TTC39A: variants seen among roughly 807,000 people sequenced by gnomAD.
TTC39A encodes tetratricopeptide repeat protein 39A.
In TTC39A, 46 loss-of-function variants were observed where a neutral mutation model predicts 82.3. The observed-to-expected ratio is 0.56, with a 90% confidence interval of 0.44 to 0.71. The LOEUF (loss-of-function observed/expected upper bound fraction) is 0.71. TTC39A is among the 30% of genes least tolerant of loss of function. The pLI is 0.00. For synonymous variants in TTC39A, 254 were observed against 275.2 expected, an observed-to-expected ratio of 0.92 and a Z score of 0.76; for missense variants, 543 against 712.9, an observed-to-expected ratio of 0.76 and a Z score of 2.71.
chr1:51,330,328 G>C lies in TTC39A; in HGVS notation c.41+109C>G. 2 of 916,756 alleles carry C rather than the reference G, an allele frequency of 2.2e-6. No homozygotes were observed. The highest frequency in any genetic ancestry group is 2.6e-6 in the Non-Finnish European group (2 of 768,622). The allele number at this position is 916,756 out of a possible 1,614,324, so 56.8% of individuals were successfully genotyped here. A position where few individuals can be genotyped will look rare whatever the true frequency, so the allele number is the denominator to read the frequency against. Reference sequence around the variant, plus strand: ...GGCGGGGTGGGGGCTGGAAGCCGCAGTGCGGCCCCAGGCCGGTGCGCGGGG... The same window carrying C: ...GGCGGGGTGGGGGCTGGAAGCCGCACTGCGGCCCCAGGCCGGTGCGCGGGG... On this transcript the variant is annotated intron_variant, in intron 1 of 17. Transcript: ENST00000680483. This position sits in a 1 kb window ranked among gnomAD's most constrained non-coding sequence, Gnocchi z 4.5.
At chr1:51,336,750 C>T (rs1158054172) in intron 1 of TTC39A, among the ~76,000 whole-genome samples, 1 of 152,118 alleles carries the variant, frequency 6.6e-6, no homozygotes, top group African/African-American at 2.4e-5. Flanking sequence ...CACCTGACAC[C>T]CTGGGCCAGT....
At chr1:51,303,246 G>A (rs1198724966) in intron 8 of TTC39A, 54 bp from the exon 9 acceptor site, 2 of 1,466,410 alleles carry the variant, frequency 1.4e-6, no homozygotes, top group South Asian at 1.3e-5. Flanking sequence ...GGCCTGGGAG[G>A]CAGCTGGACA....
At chr1:51,289,867 TG>T in intron 16 of TTC39A, 137 bp downstream of exon 16, 1 of 658,398 alleles carries the variant, frequency 1.5e-6, no homozygotes, top group Non-Finnish European at 2.6e-6. Flanking sequence ...TGGCACAGAG[TG>T]GACACTGGTT....
chr1:51,343,760 G>A (rs1276231096), intron 1 of TTC39A, among the ~76,000 whole-genome samples: 3 of 152,130 alleles, frequency 2.0e-5, no homozygotes, highest in Non-Finnish European at 4.4e-5. Flanking sequence ...GGAGAGCCAT[G>A]GAAGGGTTTT....
chr1:51,293,293 C>T (rs1173402493), intron 14 of TTC39A, among the ~76,000 whole-genome samples: 2 of 152,190 alleles, frequency 1.3e-5, no homozygotes, highest in Non-Finnish European at 2.9e-5. Context: ...TCTCTAACTC[C>T]TGACCTCAGG....
intron 12 of TTC39A, chr1:51,300,876 G>A (rs1037964348): frequency 2.0e-5 from 3 of 152,250 alleles, no homozygotes; most frequent in African/African-American, 7.2e-5. Flanking sequence ...AGACCAGTGA[G>A]GCTCAAACTG....
intron 12 of TTC39A, 130 bp from the exon 13 acceptor site, chr1:51,296,300 T>C (rs2148137355): frequency 1.1e-6 from 1 of 876,390 alleles, no homozygotes; most frequent in East Asian, 2.7e-5. Context: ...AGGGGAGAAA[T>C]GAAGGTAAGA....
chr1:51,335,654 T>A (rs945338452), upstream of TTC39A, among the ~76,000 whole-genome samples: 2 of 151,178 alleles, frequency 1.3e-5, no homozygotes, highest in African/African-American at 4.9e-5. Flanking sequence ...TTACCTCCCA[T>A]CCTACAGATG....
chr1:51,332,538 G>A (rs138834025), upstream of TTC39A, among the ~76,000 whole-genome samples: 444 of 152,340 alleles, frequency 2.9e-3, no homozygotes, highest in Non-Finnish European at 4.5e-3. Context: ...GATTACAGGC[G>A]TAAGCCACCG....
intron 11 of TTC39A, chr1:51,302,094 TC>T (rs1267398425): frequency 1.4e-6 from 1 of 721,286 alleles, no homozygotes; most frequent in Non-Finnish European, 2.6e-6. Context: ...AGCACCTCCC[TC>T]CACCTCCCTC....
chr1:51,339,794 A>G (rs1185090145), intron 1 of TTC39A, among the ~76,000 whole-genome samples: 1 of 152,224 alleles, frequency 6.6e-6, no homozygotes, highest in East Asian at 1.9e-4. Flanking sequence ...GAGATGTTAT[A>G]GCCTGGCCTC....
In TTC39A at chr1:51,309,287, T is replaced by C; in HGVS notation, c.462A>G (p.Lys154=). The change falls in exon 6 of 18, where the codon AAA becomes AAG. Residue 154 remains lysine (K), a synonymous_variant. Coordinates refer to ENST00000680483, the MANE Select transcript of TTC39A (RefSeq NM_001297663.2). ...TGTAGGTCTGGTAGCTGTTTCGAAC[T>C]TTGATGCCGCCTTTGATGAAGCTCA... ...NMVSFIKGGI[K]VRNSYQTYKE... 1 of 1,612,618 alleles carries C rather than the reference T, an allele frequency of 6.2e-7. No homozygotes were observed. The highest frequency in any genetic ancestry group is 8.5e-7 in the Non-Finnish European group (1 of 1,179,360).
In TTC39A at chr1:51,321,924, C is replaced by A. The variant is rs1645538037; in HGVS notation, c.42-99G>T. On this transcript the variant is annotated intron_variant, in intron 1 of 17. Coordinates refer to ENST00000680483, the MANE Select transcript of TTC39A (RefSeq NM_001297663.2). This position sits in a 1 kb window ranked among gnomAD's most constrained non-coding sequence, Gnocchi z 4.6. ...CACAGGGTCTACTCAGCCTCCCTGG[C>A]CAGCCTTGGGTGCCTGTCACGAGCT... 1.4e-6 allele frequency: 2 copies of A among 1,381,912 alleles called. No homozygotes were observed. The highest frequency in any genetic ancestry group is 2.5e-5 in the East Asian group (1 of 39,986). 85.6% of individuals were successfully genotyped at this position (1,381,912 alleles called of 1,614,324 possible).
rs1195797937 is a variant in TTC39A, at chr1:51,294,897, T to A, written c.1146-386A>T. ...GAGAGACCAACACTCGGAGAAAGGG[T>A]GGGACCTACCCAAGACCAAACAGCT... On this transcript the variant is annotated intron_variant, in intron 13 of 17. Transcript: ENST00000680483. This position sits in a 1 kb window ranked among gnomAD's most constrained non-coding sequence, Gnocchi z 4.3. Among the ~76,000 whole-genome samples, 1 of 152,180 alleles carries A rather than the reference T, an allele frequency of 6.6e-6. No individual in the cohort carries two copies. Among genetic ancestry groups the A allele is most frequent in the Non-Finnish European group, 1.5e-5 (1 of 68,032 alleles).
chr1:51,310,309 A>T (rs1645038357), intron 5 of TTC39A, among the ~76,000 whole-genome samples: 1 of 152,192 alleles, frequency 6.6e-6, no homozygotes, highest in East Asian at 1.9e-4. Flanking sequence ...CCTGTTGGGT[A>T]CATGGACAGG....
chr1:51,303,640 AC>A (rs1387566164), intron 8 of TTC39A, among the ~76,000 whole-genome samples: 3 of 150,926 alleles, frequency 2.0e-5, no homozygotes, highest in East Asian at 3.9e-4. Flanking sequence ...CTGGGGGCAG[AC>A]CCCCCACCTT....
chr1:51,343,887 C>A (rs1424862066), intron 1 of TTC39A, among the ~76,000 whole-genome samples: 1 of 152,222 alleles, frequency 6.6e-6, no homozygotes, highest in Non-Finnish European at 1.5e-5. Flanking sequence ...CAGGCATGAG[C>A]CACCACGCCT....
chr1:51,288,018 T>C lies in TTC39A; in HGVS notation c.*139A>G. 2 of 1,343,334 alleles carry C rather than the reference T, an allele frequency of 1.5e-6. No homozygotes were observed. Among genetic ancestry groups the C allele is most frequent in the South Asian group, 2.9e-5 (2 of 68,522 alleles). 83.2% of individuals were successfully genotyped at this position (1,343,334 alleles called of 1,614,324 possible). On this transcript the variant is annotated 3_prime_UTR_variant, in exon 18 of 18. Coordinates refer to ENST00000680483, the MANE Select transcript of TTC39A (RefSeq NM_001297663.2). This position sits in a 1 kb window ranked among gnomAD's most constrained non-coding sequence, Gnocchi z 4.8. The stretch of plus-strand genomic sequence containing the variant: ...AATGCCAGCTCGGCTTCTGCACGGA[T>C]ACACTATGTTGTGCCATCCAACTGG...
chr1:51,296,313 C>G (rs1043582877), intron 12 of TTC39A, 143 bp from the exon 13 acceptor site: 1 of 780,208 alleles, frequency 1.3e-6, no homozygotes, highest in Non-Finnish European at 2.1e-6. Flanking sequence ...AGGTAAGAAG[C>G]TGAAGCAACT....
Sources: allele counts gnomAD v4.1 joint callset (sites outside exome capture counted in the v4.1 genomes callset), GRCh38; gene constraint gnomAD v4.1.1; non-coding constraint Gnocchi (gnomAD v3.1); transcripts MANE v1.5; gene names NCBI Gene and HGNC (gene_info 2026-07-23, HGNC 2026-07-21).